The following TAFA1 variants were observed in gnomAD, a reference collection of about 807,000 sequenced individuals.
The protein encoded by TAFA1 is TAFA chemokine like family member 1, also known as chemokine-like protein TAFA-1.
TAFA1 carries 4 observed loss-of-function variants against 18.5 expected under a neutral mutation model. The observed-to-expected ratio is 0.22, with a 90% CI of 0.11 to 0.49. The LOEUF is 0.49. Among genes scored for constraint, TAFA1 ranks in the 20% least tolerant of loss-of-function variants. TAFA1 has a pLI of 0.98. For synonymous variants in TAFA1, 56 were observed against 55.2 expected (o/e 1.01, Z -0.06); for missense variants, 147 against 169.0 (o/e 0.87, Z 0.72).
At chr3:68,016,189 G>A (rs1704566727) in intron 2 of TAFA1, among the ~76,000 whole-genome samples, 1 of 152,150 alleles carries the variant, frequency 6.6e-6, no homozygotes, top group African/African-American at 2.4e-5. Context: ...ATTTGCTGAA[G>A]ACTAGACTTT....
intron 2 of TAFA1, among the ~76,000 whole-genome samples, chr3:68,331,455 T>C (rs1413324135): frequency 1.3e-5 from 2 of 152,212 alleles, no homozygotes; most frequent in Admixed American, 6.5e-5. Flanking sequence ...AGGCATATAG[T>C]AGATACTTGA....
chr3:68,336,452 A>G (rs1346737714), intron 2 of TAFA1, among the ~76,000 whole-genome samples: 1 of 152,252 alleles, frequency 6.6e-6, no homozygotes, highest in East Asian at 1.9e-4. Flanking sequence ...GAAAATCCAG[A>G]AATCTGAATA....
intron 3 of TAFA1, among the ~76,000 whole-genome samples, chr3:68,529,914 A>C (rs2073167168): frequency 6.6e-6 from 1 of 152,204 alleles, no homozygotes; most frequent in Non-Finnish European, 1.5e-5. Flanking sequence ...AAAAAATCCA[A>C]ACTACAGCAG....
chr3:68,075,482 C>G (rs1306144169), intron 2 of TAFA1, among the ~76,000 whole-genome samples: 2 of 152,110 alleles, frequency 1.3e-5, no homozygotes, highest in Non-Finnish European at 2.9e-5. Flanking sequence ...CATTTTACAC[C>G]ATTTTAAACC....
rs540790807 is a variant in TAFA1, at chr3:68,008,809, G to A, written c.118+2065G>A. On this transcript the variant is annotated intron_variant, in intron 2 of 4. Transcript: ENST00000478136. ...CTAGTGAGTGGCACGTGGTTGAGGGGGAAAGGCAGGGCTCGGGGCTGGCCA... is the reference window on the plus strand; with the variant it reads ...CTAGTGAGTGGCACGTGGTTGAGGGAGAAAGGCAGGGCTCGGGGCTGGCCA... 1.4e-4 allele frequency among the ~76,000 whole-genome samples: 22 copies of A among 152,172 alleles called. No homozygotes were observed. The South Asian group carries it at 4.0e-3, about 27-fold the overall frequency.
chr3:68,042,550 G>A (rs941542487), intron 2 of TAFA1, among the ~76,000 whole-genome samples: 4 of 152,154 alleles, frequency 2.6e-5, no homozygotes, highest in Non-Finnish European at 5.9e-5. Context: ...TTGGGAGGCT[G>A]AGGCAGGAGA....
intron 2 of TAFA1, among the ~76,000 whole-genome samples, chr3:68,159,030 C>T (rs961915): frequency 0.064 from 9,743 of 152,246 alleles, 420 homozygotes; most frequent in African/African-American, 0.12. Flanking sequence ...AACCACATTA[C>T]AAGCATTGTT....
At chr3:68,294,236 G>A (rs2068166015) in intron 2 of TAFA1, among the ~76,000 whole-genome samples, 1 of 152,116 alleles carries the variant, frequency 6.6e-6, no homozygotes, top group Non-Finnish European at 1.5e-5. Flanking sequence ...CCCAATATAA[G>A]TAAAATGCAA....
intron 2 of TAFA1, among the ~76,000 whole-genome samples, chr3:68,074,750 G>C (rs1313980947): frequency 1.3e-5 from 2 of 152,144 alleles, no homozygotes; most frequent in African/African-American, 4.8e-5. Flanking sequence ...TCTTGAGCTT[G>C]TCTCATAACC....
At chr3:68,139,066 G>T (rs999742770) in intron 2 of TAFA1, among the ~76,000 whole-genome samples, 8 of 152,122 alleles carry the variant, frequency 5.3e-5, no homozygotes, top group Non-Finnish European at 1.2e-4. Context: ...CTATATTTTA[G>T]ATGTGCATTG....
At chr3:68,491,310 C>T (rs2072448499) in intron 3 of TAFA1, among the ~76,000 whole-genome samples, 1 of 151,996 alleles carries the variant, frequency 6.6e-6, no homozygotes, top group African/African-American at 2.4e-5. Context: ...CAATGATAGA[C>T]TGGATTAAGA....
At chr3:68,168,217 T>C (rs1469875195) in intron 2 of TAFA1, among the ~76,000 whole-genome samples, 1 of 152,106 alleles carries the variant, frequency 6.6e-6, no homozygotes, top group Non-Finnish European at 1.5e-5. Flanking sequence ...TCTCTTGTGT[T>C]GGGTTCTATT....
At chr3:68,384,008 G>C (rs1439167920) in intron 2 of TAFA1, among the ~76,000 whole-genome samples, 1 of 151,934 alleles carries the variant, frequency 6.6e-6, no homozygotes, top group African/African-American at 2.4e-5. Flanking sequence ...GTATTTCTCT[G>C]GGGTCAGTGG....
At chr3:68,152,417 A>C (rs548926568) in intron 2 of TAFA1, among the ~76,000 whole-genome samples, 45 of 152,280 alleles carry the variant, frequency 3.0e-4, no homozygotes, top group African/African-American at 1.0e-3. Context: ...AAGTAAACAC[A>C]GTGATAGTGC....
Position 68,277,594 on chromosome 3 carries a change from T to C in TAFA1, c.119-139686T>C, listed in dbSNP as rs80036779. On this transcript the variant is annotated intron_variant, in intron 2 of 4. Transcript: ENST00000478136. ...AATAACATCCATTTATATGTTATTG[T>C]TTGGAACTATTTCACATGGACCCCA... 8.6e-3 allele frequency among the ~76,000 whole-genome samples: 1,302 copies of C among 152,238 alleles called. 54 individuals are homozygous for C. The East Asian group carries it at 0.13, about 15-fold the overall frequency.
intron 2 of TAFA1, among the ~76,000 whole-genome samples, chr3:68,112,275 A>C (rs1375481741): frequency 6.6e-6 from 1 of 152,180 alleles, no homozygotes; most frequent in Non-Finnish European, 1.5e-5. Context: ...TAAACAAATA[A>C]TTAGCGAATC....
intron 2 of TAFA1, among the ~76,000 whole-genome samples, chr3:68,026,583 A>G (rs149389021): frequency 6.6e-6 from 1 of 152,230 alleles, no homozygotes; most frequent in Admixed American, 6.5e-5. Flanking sequence ...TTTAACCCTG[A>G]CAATGACCTG....
chr3:68,466,848 C>CA (rs1348937037), intron 3 of TAFA1, among the ~76,000 whole-genome samples: 4 of 151,956 alleles, frequency 2.6e-5, no homozygotes, highest in Admixed American at 1.3e-4. Context: ...GGAAAGAGTA[C>CA]AAAAAATAGA....
chr3:68,265,138 TTC>T (rs2067518561), intron 2 of TAFA1, among the ~76,000 whole-genome samples: 1 of 152,224 alleles, frequency 6.6e-6, no homozygotes, highest in Non-Finnish European at 1.5e-5. Flanking sequence ...CTCATCATGA[TTC>T]TGTTAAACTT....
Sources: gnomAD v4.1 joint callset for allele counts (sites outside exome capture counted in the v4.1 genomes callset) on GRCh38, gnomAD v4.1.1 for gene constraint, MANE v1.5 for transcripts, NCBI Gene and HGNC (gene_info 2026-07-23, HGNC 2026-07-21) for gene names.